DNAJB1: variants seen among roughly 807,000 people sequenced by gnomAD.
The protein encoded by DNAJB1 is DnaJ heat shock protein family (Hsp40) member B1.
DNAJB1 carries 14 observed loss-of-function variants against 24.0 expected under a neutral mutation model. The ratio of observed to expected loss-of-function variants is 0.58; its 90% CI spans 0.39 to 0.91. DNAJB1 has a LOEUF of 0.91. DNAJB1 is among the 40% of genes least tolerant of loss of function. The probability of loss-of-function intolerance (pLI) is 0.00; values close to 1 mark genes in which losing one functional copy is unlikely to be tolerated. For synonymous variants in DNAJB1, 262 were observed against 174.4 expected, an observed-to-expected ratio of 1.50 and a Z score of -3.96; for missense variants, 517 against 458.1, an observed-to-expected ratio of 1.13 and a Z score of -1.17.
chr19:14,550,361 G>A (rs2073455008), upstream of DNAJB1, among the ~76,000 whole-genome samples: 1 of 152,164 alleles, frequency 6.6e-6, no homozygotes, highest in East Asian at 1.9e-4. Flanking sequence ...TTGGCAAGCT[G>A]AGCTCATGGG....
intron 1 of DNAJB1, chr19:14,545,011 C>G: frequency 2.2e-6 from 1 of 446,138 alleles, no homozygotes. Flanking sequence ...TCTCTGTTCC[C>G]TCCCTGGTCC....
Position 14,517,185 on chromosome 19 carries a change from G to C in DNAJB1, c.212-139C>G. The C allele has an allele frequency of 3.8e-6, 3 of 796,640 alleles. No individual in the cohort carries two copies. In the South Asian group the frequency reaches 5.7e-5, roughly 15 times the overall value. The allele number at this position is 796,640 out of a possible 1,614,324, so 49.3% of individuals were successfully genotyped here. On this transcript the variant is annotated intron_variant, in intron 1 of 2. Coordinates refer to ENST00000254322, the MANE Select transcript of DNAJB1 (RefSeq NM_006145.3). Reference sequence around the variant, plus strand: ...AGGGGAGAGCAAGGAAGAACCCCAAGTTTCTACCTCTCACTGCCAACAGCA... The same window carrying C: ...AGGGGAGAGCAAGGAAGAACCCCAACTTTCTACCTCTCACTGCCAACAGCA...
At chr19:14,528,787 T>A (rs2146539548) in intron 1 of DNAJB1, among the ~76,000 whole-genome samples, 1 of 151,716 alleles carries the variant, frequency 6.6e-6, no homozygotes, top group Admixed American at 6.6e-5. Flanking sequence ...CTAAAAAAAA[T>A]ACAAAAATTA....
At chr19:14,549,176 C>T (rs2073403851) in intron 1 of DNAJB1, among the ~76,000 whole-genome samples, 1 of 151,402 alleles carries the variant, frequency 6.6e-6, no homozygotes, top group Non-Finnish European at 1.5e-5. Context: ...GCCATCATTA[C>T]CTTCACAGAA....
At chr19:14,553,641 C>G (rs1452820796), upstream of DNAJB1, among the ~76,000 whole-genome samples, 1 of 152,046 alleles carries the variant, frequency 6.6e-6, no homozygotes, top group Non-Finnish European at 1.5e-5. Context: ...GAAAGGGAGC[C>G]GAGAGGGCTG....
upstream of DNAJB1, among the ~76,000 whole-genome samples, chr19:14,521,895 T>C (rs2072364796): frequency 6.6e-6 from 1 of 152,178 alleles, no homozygotes; most frequent in Non-Finnish European, 1.5e-5. Flanking sequence ...GTGCTGGGAT[T>C]ACAGGCGTGA....
intron 1 of DNAJB1, among the ~76,000 whole-genome samples, chr19:14,547,998 C>G (rs1421622332): frequency 6.9e-6 from 1 of 145,436 alleles, no homozygotes; most frequent in Non-Finnish European, 1.5e-5. Flanking sequence ...GAGTCTCGCT[C>G]TGTCACCCAG....
chr19:14,556,414 A>AAAAAC (rs2073725928), intron 1 of DNAJB1, among the ~76,000 whole-genome samples: 1 of 31,568 alleles, frequency 3.2e-5, no homozygotes, highest in South Asian at 5.6e-4. Flanking sequence ...CTCTCAAAAA[A>AAAAAC]AAAACAAAAA....
At chr19:14,532,908 G>A (rs183313671), upstream of DNAJB1, among the ~76,000 whole-genome samples, 4 of 151,888 alleles carry the variant, frequency 2.6e-5, no homozygotes, top group African/African-American at 7.3e-5. Context: ...TCAGGAGTTC[G>A]AGACCAGCCT....
At chr19:14,517,146 C>A (rs923592810) in intron 1 of DNAJB1, 100 bp from the exon 2 acceptor site, 3 of 1,287,646 alleles carry the variant, frequency 2.3e-6, no homozygotes, top group Middle Eastern at 1.9e-4. Flanking sequence ...GGGGGAGGAA[C>A]TTTTTTGTCT....
chr19:14,519,009 G>A (rs539962103), upstream of DNAJB1, among the ~76,000 whole-genome samples: 5 of 152,230 alleles, frequency 3.3e-5, no homozygotes, highest in Non-Finnish European at 4.4e-5. Flanking sequence ...AAGACAGGAG[G>A]ATCTCTTGAG....
chr19:14,544,802 T>G (rs888185748), intron 1 of DNAJB1, among the ~76,000 whole-genome samples: 1 of 152,022 alleles, frequency 6.6e-6, no homozygotes, highest in Admixed American at 6.6e-5. Context: ...CCGGCTAATT[T>G]GAAAATTTTC....
chr19:14,521,498 C>T (rs1324589362), upstream of DNAJB1, among the ~76,000 whole-genome samples: 1 of 131,116 alleles, frequency 7.6e-6, no homozygotes, highest in Non-Finnish European at 1.6e-5. Context: ...ATAAAAGTTT[C>T]TTGACACACT....
At chr19:14,538,293 C>T (rs2072975710) in intron 1 of DNAJB1, among the ~76,000 whole-genome samples, 1 of 152,084 alleles carries the variant, frequency 6.6e-6, no homozygotes, top group Admixed American at 6.6e-5. Flanking sequence ...CCACTCTGTC[C>T]TTGGGACAGT....
intron 1 of DNAJB1, among the ~76,000 whole-genome samples, chr19:14,537,840 G>C (rs573581188): frequency 8.7e-5 from 13 of 149,366 alleles, no homozygotes; most frequent in African/African-American, 2.9e-4. Flanking sequence ...CCGCCTCCCG[G>C]GTTCAGGCGA....
upstream of DNAJB1, chr19:14,533,860 C>T (rs1004712241): frequency 5.3e-5 from 8 of 152,112 alleles, no homozygotes; most frequent in African/African-American, 1.4e-4. Context: ...GGTCGGTAAG[C>T]GAACTGCTTA....
Position 14,515,750 on chromosome 19 carries a change from T to G in DNAJB1, c.*190A>C, listed in dbSNP as rs2072245945. The stretch of plus-strand genomic sequence containing the variant: ...GCTGTTCCCACCACCTGATGCCCTA[T>G]AGCTCGAAAAACCACTGAAGTCTAG... On this transcript the variant is annotated 3_prime_UTR_variant, in exon 3 of 3. Transcript: ENST00000254322. 1 of 585,030 alleles carries G rather than the reference T, an allele frequency of 1.7e-6. No individual in the cohort carries two copies. The highest frequency in any genetic ancestry group is 1.9e-5 in the African/African-American group (1 of 52,184). The allele number at this position is 585,030 out of a possible 1,614,324, so 36.2% of individuals were successfully genotyped here.
chr19:14,556,847 G>A (rs959801107), intron 1 of DNAJB1, among the ~76,000 whole-genome samples: 7 of 152,154 alleles, frequency 4.6e-5, no homozygotes, highest in Admixed American at 1.3e-4. Flanking sequence ...GGGGAGCGTC[G>A]CAGCCTCCGC....
chr19:14,522,124 T>C (rs1198563861), upstream of DNAJB1, among the ~76,000 whole-genome samples: 1 of 152,192 alleles, frequency 6.6e-6, no homozygotes, highest in Non-Finnish European at 1.5e-5. Flanking sequence ...AAAGCTGTTA[T>C]AGTTGTTTGT....
Sources: allele counts gnomAD v4.1 joint callset (sites outside exome capture counted in the v4.1 genomes callset), GRCh38; gene constraint gnomAD v4.1.1; transcripts MANE v1.5; gene names NCBI Gene and HGNC (gene_info 2026-07-23, HGNC 2026-07-21).